The following SPMIP2 variants were observed in gnomAD, a reference collection of about 807,000 sequenced individuals.
The protein encoded by SPMIP2 is sperm microtubule inner protein 2.
the SPMIP2 span, among the ~76,000 whole-genome samples, chr4:159,067,125 T>C: frequency 2.0e-5 from 3 of 152,124 alleles, no homozygotes; most frequent in African/African-American, 7.2e-5. Context: ...CCCCAGGACA[T>C]TCAGATAACA....
the SPMIP2 span, among the ~76,000 whole-genome samples, chr4:159,074,554 T>G: frequency 6.6e-6 from 1 of 152,162 alleles, no homozygotes; most frequent in Admixed American, 6.5e-5. Context: ...GAATTCTTAT[T>G]AGTCTGGCTT....
At chr4:158,982,288 C>T in the SPMIP2 span, among the ~76,000 whole-genome samples, 1 of 152,128 alleles carries the variant, frequency 6.6e-6, no homozygotes, top group Non-Finnish European at 1.5e-5. Context: ...GAGTCTAACA[C>T]CCCACCATTA....
chr4:158,901,219 G>T, the SPMIP2 span, among the ~76,000 whole-genome samples: 1 of 140,516 alleles, frequency 7.1e-6, no homozygotes, highest in Admixed American at 7.7e-5. Context: ...TGCAACCTCC[G>T]CCCCTCCAGG....
At chr4:158,980,085 C>T in the SPMIP2 span, among the ~76,000 whole-genome samples, 31 of 152,156 alleles carry the variant, frequency 2.0e-4, no homozygotes, top group Non-Finnish European at 3.4e-4. Flanking sequence ...AACAAAGCTT[C>T]TGGGAATTTC....
At chr4:158,984,033 C>G in the SPMIP2 span, among the ~76,000 whole-genome samples, 1 of 112,968 alleles carries the variant, frequency 8.9e-6, no homozygotes, top group African/African-American at 3.4e-5. Flanking sequence ...CAACAAAGAT[C>G]AAAAGAGACA....
At chr4:159,030,231 G>A in the SPMIP2 span, among the ~76,000 whole-genome samples, 1 of 152,066 alleles carries the variant, frequency 6.6e-6, no homozygotes, top group South Asian at 2.1e-4. Context: ...TGGGCAATAT[G>A]GTGAAACCTC....
chr4:158,966,768 C>A, the SPMIP2 span, among the ~76,000 whole-genome samples: 1 of 152,192 alleles, frequency 6.6e-6, no homozygotes, highest in Admixed American at 6.5e-5. Context: ...AATAATCTAC[C>A]AAGCTTTACA....
At chr4:159,056,269 C>A in the SPMIP2 span, among the ~76,000 whole-genome samples, 1 of 152,156 alleles carries the variant, frequency 6.6e-6, no homozygotes, top group African/African-American at 2.4e-5. Flanking sequence ...CAGATTTGTT[C>A]TCTTCCCCGC....
the SPMIP2 span, among the ~76,000 whole-genome samples, chr4:159,005,683 A>G: frequency 3.3e-5 from 5 of 152,236 alleles, no homozygotes; most frequent in African/African-American, 1.2e-4. Flanking sequence ...CATTTTGTTA[A>G]TAACTTTCAA....
the SPMIP2 span, among the ~76,000 whole-genome samples, chr4:158,919,199 G>A: frequency 1.3e-5 from 2 of 152,172 alleles, no homozygotes; most frequent in African/African-American, 4.8e-5. Flanking sequence ...CAACATAACC[G>A]TCAAAAGCAG....
At chr4:159,030,900 T>C in the SPMIP2 span, among the ~76,000 whole-genome samples, 42 of 152,332 alleles carry the variant, frequency 2.8e-4, no homozygotes, top group Admixed American at 1.1e-3. Flanking sequence ...TCCTCAGTAT[T>C]TTCTCATCCT....
At chr4:159,035,997 A>AT in the SPMIP2 span, among the ~76,000 whole-genome samples, 174 of 152,314 alleles carry the variant, frequency 1.1e-3, no homozygotes, top group Middle Eastern at 3.4e-3. Flanking sequence ...TTATATTTCA[A>AT]TTTCCAGAGA....
At chr4:158,981,077 G>A in the SPMIP2 span, among the ~76,000 whole-genome samples, 14 of 152,100 alleles carry the variant, frequency 9.2e-5, no homozygotes, top group African/African-American at 1.4e-4. Flanking sequence ...ATCAATAGCC[G>A]AATCGATAAA....
At chr4:159,035,020 A>T in the SPMIP2 span, 1 of 1,607,354 alleles carries the variant, frequency 6.2e-7, no homozygotes, top group Non-Finnish European at 8.5e-7. Context: ...AAGCAAACAC[A>T]AAAACTATTT....
chr4:158,917,284 G>T, the SPMIP2 span, among the ~76,000 whole-genome samples: 1 of 150,814 alleles, frequency 6.6e-6, no homozygotes, highest in South Asian at 2.1e-4. Flanking sequence ...ACAACTAGCT[G>T]GGTGTGGTGG....
At chr4:158,989,549 C>T in the SPMIP2 span, among the ~76,000 whole-genome samples, 17 of 152,110 alleles carry the variant, frequency 1.1e-4, no homozygotes, top group African/African-American at 4.1e-4. Flanking sequence ...ACCGATGGAA[C>T]AGAACAGAGG....
chr4:158,906,474 C>A, the SPMIP2 span: 1 of 152,040 alleles, frequency 6.6e-6, no homozygotes, highest in Non-Finnish European at 1.5e-5. Context: ...ATAATTAGAC[C>A]CATATAGGGG....
the SPMIP2 span, chr4:158,915,135 T>C: frequency 6.4e-7 from 1 of 1,569,994 alleles, no homozygotes; most frequent in Non-Finnish European, 8.7e-7. Context: ...AGCCTGACTT[T>C]TTCTATGACG....
chr4:158,897,168 G>A, the SPMIP2 span, among the ~76,000 whole-genome samples: 1 of 152,164 alleles, frequency 6.6e-6, no homozygotes, highest in South Asian at 2.1e-4. Context: ...CAGAGGACAT[G>A]AACTCATCCT....
Sources: gnomAD v4.1 joint callset for allele counts (sites outside exome capture counted in the v4.1 genomes callset) on GRCh38, gnomAD v4.1.1 for gene constraint, MANE v1.5 for transcripts, NCBI Gene and HGNC (gene_info 2026-07-23, HGNC 2026-07-21) for gene names.